The following CYFIP1 variants were observed in gnomAD, a reference collection of about 807,000 sequenced individuals.
CYFIP1 encodes the protein cytoplasmic FMR1 interacting protein 1.
In CYFIP1, 58 loss-of-function variants were observed where a neutral mutation model predicts 163.5. The observed-to-expected ratio is 0.35, with a 90% CI of 0.29 to 0.44. The LOEUF (loss-of-function observed/expected upper bound fraction) is 0.44. Ranked by LOEUF, CYFIP1 falls within the 20% of genes least tolerant of loss-of-function variation. CYFIP1 has a pLI of 1.00. For synonymous variants in CYFIP1, 663 were observed against 660.7 expected (o/e 1.00, Z -0.05); for missense variants, 1,338 against 1,653.8 (o/e 0.81, Z 3.31).
chr15:22,964,369 A>AACTGGCGGCCC (rs1315886103), intron 1 of CYFIP1, among the ~76,000 whole-genome samples: 4 of 108,730 alleles, frequency 3.7e-5, no homozygotes, highest in African/African-American at 1.6e-4. Flanking sequence ...ACACACACAC[A>AACTGGCGGCCC]CACACACACA....
At chr15:22,888,020 T>C (rs751057160) in intron 23 of CYFIP1, among the ~76,000 whole-genome samples, 6 of 152,152 alleles carry the variant, frequency 3.9e-5, no homozygotes, top group Non-Finnish European at 7.4e-5. Context: ...ATCTTACTTA[T>C]GAGATAAAGA....
At chr15:22,929,894 C>G (rs1460810689) in intron 11 of CYFIP1, among the ~76,000 whole-genome samples, 1 of 151,228 alleles carries the variant, frequency 6.6e-6, no homozygotes, top group African/African-American at 2.4e-5. Context: ...CGAGATCGCG[C>G]CACTGCACTC....
intron 23 of CYFIP1, among the ~76,000 whole-genome samples, chr15:22,884,502 G>C (rs2059875794): frequency 6.6e-6 from 1 of 152,224 alleles, no homozygotes; most frequent in Admixed American, 6.5e-5. Context: ...ACTGATGTAA[G>C]ATGTGGGCTC....
intron 5 of CYFIP1, among the ~76,000 whole-genome samples, chr15:22,944,293 C>T (rs1461945748): frequency 6.8e-6 from 1 of 147,334 alleles, no homozygotes. Flanking sequence ...AAGCATTGTA[C>T]TTGAAACTGA....
At chr15:22,931,753 C>T (rs1005404410) in intron 11 of CYFIP1, among the ~76,000 whole-genome samples, 1 of 140,102 alleles carries the variant, frequency 7.1e-6, no homozygotes. Flanking sequence ...GTTTCACTGC[C>T]TTGTCAATTA....
At chr15:22,920,276 T>C (rs150898569) in intron 13 of CYFIP1, among the ~76,000 whole-genome samples, 1 of 146,440 alleles carries the variant, frequency 6.8e-6, no homozygotes, top group Non-Finnish European at 1.5e-5. Context: ...TCGATCCTCC[T>C]GCCTCAGCCT....
chr15:22,886,593 G>A (rs1360793136), intron 23 of CYFIP1, among the ~76,000 whole-genome samples: 5 of 152,028 alleles, frequency 3.3e-5, no homozygotes, highest in African/African-American at 1.2e-4. Context: ...AGATTTTCTG[G>A]TTATCTTTTT....
At chr15:22,923,647 C>T (rs1487994445) in intron 13 of CYFIP1, among the ~76,000 whole-genome samples, 4 of 152,046 alleles carry the variant, frequency 2.6e-5, no homozygotes, top group Non-Finnish European at 5.9e-5. Flanking sequence ...AAAACCCGCA[C>T]ATGAAAGCTC....
At position 22,896,855 on chromosome 15, in the gene CYFIP1, T is replaced by G. The variant is rs188713899; in HGVS notation, c.2589-3878A>C. Among the ~76,000 whole-genome samples, 6 of 152,256 alleles carry G rather than the reference T, an allele frequency of 3.9e-5. No homozygotes were observed. The East Asian group carries it at 1.2e-3, about 29-fold the overall frequency. On this transcript the variant is annotated intron_variant, in intron 22 of 30. Transcript: ENST00000617928. ...GGTTCTTGGCATATCTAGTAATTCTTGATTGGGCACTGGGCATTTCAGTGC... is the reference window on the plus strand; with the variant it reads ...GGTTCTTGGCATATCTAGTAATTCTGGATTGGGCACTGGGCATTTCAGTGC...
intron 26 of CYFIP1, 82 bp downstream of exon 26, chr15:22,879,831 G>T (rs1595500178): frequency 3.8e-6 from 4 of 1,066,510 alleles, no homozygotes; most frequent in East Asian, 5.6e-5. Flanking sequence ...TAAAGAACCC[G>T]CCAAAGAAAG....
chr15:22,948,974 AG>A (rs1421997396), intron 1 of CYFIP1, among the ~76,000 whole-genome samples: 1 of 151,860 alleles, frequency 6.6e-6, no homozygotes, highest in Non-Finnish European at 1.5e-5. Flanking sequence ...CAAAAGGAAA[AG>A]GGGAAACCAA....
chr15:22,967,216 G>A (rs1282080217), intron 1 of CYFIP1, among the ~76,000 whole-genome samples: 1 of 152,160 alleles, frequency 6.6e-6, no homozygotes, highest in Non-Finnish European at 1.5e-5. Context: ...ACAGGTTATG[G>A]ACTACAATGG....
chr15:22,957,006 C>T (rs905808666), intron 1 of CYFIP1, among the ~76,000 whole-genome samples: 2 of 152,236 alleles, frequency 1.3e-5, no homozygotes, highest in African/African-American at 2.4e-5. Context: ...CAAGACAGCT[C>T]AACACCAAGG....
At chr15:22,919,126 C>A (rs533632420) in intron 13 of CYFIP1, among the ~76,000 whole-genome samples, 1 of 152,260 alleles carries the variant, frequency 6.6e-6, no homozygotes, top group South Asian at 2.1e-4. Context: ...CCCCAGCACA[C>A]CCTCCTGTGA....
At chr15:22,944,483 G>A (rs2061992119) in intron 5 of CYFIP1, 75 bp downstream of exon 5, 1 of 958,014 alleles carries the variant, frequency 1.0e-6, no homozygotes, top group South Asian at 1.5e-5. Flanking sequence ...TGTTCACAGT[G>A]ACAGTGATGG....
At position 22,868,468 on chromosome 15, in the gene CYFIP1, T is replaced by TAAG. The variant is rs547325211; in HGVS notation, c.*1557_*1559dup. ...AGCCTTATAAAACTTGGTAATTGAT[T>TAAG]AAGTTTTACCATAATTTTTCATCCT... On this transcript the variant is annotated 3_prime_UTR_variant, in exon 31 of 31. Coordinates refer to ENST00000617928, the MANE Select transcript of CYFIP1 (RefSeq NM_014608.6). 2.0e-5 allele frequency: 3 copies of TAAG among 152,170 alleles called. No individual in the cohort carries two copies. The highest frequency in any genetic ancestry group is 4.1e-4 in the South Asian group (2 of 4,836). 9.4% of individuals were successfully genotyped at this position (152,170 alleles called of 1,614,324 possible). A position where few individuals can be genotyped will look rare whatever the true frequency, so the allele number is the denominator to read the frequency against.
chr15:22,881,406 T>A (rs1262228612), intron 25 of CYFIP1, among the ~76,000 whole-genome samples: 1 of 152,144 alleles, frequency 6.6e-6, no homozygotes, highest in Non-Finnish European at 1.5e-5. Flanking sequence ...CCACAGCAAG[T>A]CACGTGGGCC....
At position 22,868,297 on chromosome 15, in the gene CYFIP1, T is replaced by C. The variant is rs1279328189; in HGVS notation, c.*1731A>G. ...ATACTGTACCTACATCTGTGCTTTGTACATAAAAGAACCAGTTTTCTCCCC... is the reference window on the plus strand; with the variant it reads ...ATACTGTACCTACATCTGTGCTTTGCACATAAAAGAACCAGTTTTCTCCCC... On this transcript the variant is annotated 3_prime_UTR_variant, in exon 31 of 31. Coordinates refer to ENST00000617928, the MANE Select transcript of CYFIP1 (RefSeq NM_014608.6). The C allele has an allele frequency of 6.6e-6, 1 of 152,236 alleles. No homozygotes were observed. The highest frequency in any genetic ancestry group is 1.5e-5 in the Non-Finnish European group (1 of 68,044). The allele number at this position is 152,236 out of a possible 1,614,324, so 9.4% of individuals were successfully genotyped here.
At chr15:22,961,420 C>T (rs1174643303) in intron 1 of CYFIP1, among the ~76,000 whole-genome samples, 1 of 152,136 alleles carries the variant, frequency 6.6e-6, no homozygotes. Context: ...TCACTGTCAA[C>T]CAGGCTGAAG....
Sources: gnomAD v4.1 joint callset for allele counts (sites outside exome capture counted in the v4.1 genomes callset) on GRCh38, gnomAD v4.1.1 for gene constraint, MANE v1.5 for transcripts, NCBI Gene and HGNC (gene_info 2026-07-23, HGNC 2026-07-21) for gene names.